The following NCK1 variants were observed in gnomAD, a reference collection of about 807,000 sequenced individuals.
NCK1 encodes SH2/SH3 adapter protein NCK1.
NCK1 carries 19 observed loss-of-function variants against 36.6 expected under a neutral mutation model. The observed-to-expected ratio is 0.52, with a 90% CI of 0.36 to 0.76. NCK1 has a LOEUF of 0.76. NCK1 is among the 30% of genes least tolerant of loss of function. NCK1 has a pLI of 0.00. For missense variants in NCK1, 358 were observed against 445.6 expected, an observed-to-expected ratio of 0.80 and a Z score of 1.77; for synonymous variants, 165 against 156.0, an observed-to-expected ratio of 1.06 and a Z score of -0.43.
chr3:136,922,228 C>A (rs1350458265), intron 1 of NCK1, among the ~76,000 whole-genome samples: 2 of 152,188 alleles, frequency 1.3e-5, no homozygotes, highest in Admixed American at 1.3e-4. Context: ...TTGGCCCTTA[C>A]CCTCTCGCCA....
intron 1 of NCK1, among the ~76,000 whole-genome samples, chr3:136,890,551 G>GTA (rs1939213804): frequency 3.9e-5 from 6 of 152,242 alleles, no homozygotes; most frequent in Admixed American, 2.0e-4. Context: ...CTGCCAGCAC[G>GTA]CTGTCACCTC....
At chr3:136,897,860 A>G (rs1939430486) in intron 1 of NCK1, among the ~76,000 whole-genome samples, 2 of 152,224 alleles carry the variant, frequency 1.3e-5, no homozygotes, top group South Asian at 2.1e-4. Context: ...AATTCTCACC[A>G]TAAATATAAA....
chr3:136,919,994 A>G (rs1232056608), intron 1 of NCK1, among the ~76,000 whole-genome samples: 1 of 152,210 alleles, frequency 6.6e-6, no homozygotes, highest in Non-Finnish European at 1.5e-5. Context: ...CAGATCTCAC[A>G]GTAAACAATG....
Position 136,948,614 on chromosome 3 carries a change from A to G in NCK1, c.*161A>G, listed in dbSNP as rs1940891293. ...TTATTATAACTCAGCCCATACATAT[A>G]TACTATGTATGCAGTGCATCTGCAT... On this transcript the variant is annotated 3_prime_UTR_variant, in exon 4 of 4. Coordinates refer to ENST00000481752, the MANE Select transcript of NCK1 (RefSeq NM_001291999.2). 3.3e-6 allele frequency: 2 copies of G among 598,826 alleles called. No individual in the cohort carries two copies. The highest frequency in any genetic ancestry group is 2.3e-5 in the South Asian group (1 of 44,426). 37.1% of individuals were successfully genotyped at this position (598,826 alleles called of 1,614,324 possible).
At chr3:136,898,563 G>A (rs1576961844) in intron 1 of NCK1, among the ~76,000 whole-genome samples, 1 of 152,140 alleles carries the variant, frequency 6.6e-6, no homozygotes. Flanking sequence ...AACCATTTTA[G>A]TGTGTAAAAT....
chr3:136,862,878 C>G (rs894392405), intron 1 of NCK1, among the ~76,000 whole-genome samples: 6 of 145,598 alleles, frequency 4.1e-5, no homozygotes, highest in African/African-American at 1.2e-4. Flanking sequence ...ACCCACCGGC[C>G]GTTTTCTAGT....
intron 2 of NCK1, among the ~76,000 whole-genome samples, chr3:136,929,143 G>A (rs1344148707): frequency 6.6e-6 from 1 of 151,896 alleles, no homozygotes; most frequent in Non-Finnish European, 1.5e-5. Flanking sequence ...CTGTTGTCCA[G>A]GCCAAACTTG....
chr3:136,916,650 A>G (rs1042784862), intron 1 of NCK1, among the ~76,000 whole-genome samples: 2 of 152,218 alleles, frequency 1.3e-5, no homozygotes, highest in Admixed American at 6.5e-5. Context: ...TTTTGGAAAT[A>G]TGTATAACTT....
intron 1 of NCK1, among the ~76,000 whole-genome samples, chr3:136,915,814 C>T (rs1242482393): frequency 2.0e-5 from 3 of 151,960 alleles, no homozygotes; most frequent in African/African-American, 7.3e-5. Context: ...CAACCTCCAC[C>T]TCCCAGGTTC....
intron 1 of NCK1, among the ~76,000 whole-genome samples, chr3:136,886,684 T>A (rs1253603688): frequency 6.6e-6 from 1 of 152,186 alleles, no homozygotes; most frequent in Admixed American, 6.5e-5. Context: ...ATGAGAGACC[T>A]GTGAACACAA....
At chr3:136,862,567 C>G (rs1300973881) in intron 1 of NCK1, among the ~76,000 whole-genome samples, 2 of 152,226 alleles carry the variant, frequency 1.3e-5, no homozygotes, top group South Asian at 2.1e-4. Context: ...ACCCTCGGGC[C>G]GTTGCCCCAG....
At chr3:136,890,077 C>G (rs532490362) in intron 1 of NCK1, among the ~76,000 whole-genome samples, 1 of 152,132 alleles carries the variant, frequency 6.6e-6, no homozygotes, top group African/African-American at 2.4e-5. Context: ...GAGGCTCGGG[C>G]GGCACAGCAG....
intron 1 of NCK1, among the ~76,000 whole-genome samples, chr3:136,881,074 T>C (rs1938919658): frequency 6.6e-6 from 1 of 152,160 alleles, no homozygotes; most frequent in Non-Finnish European, 1.5e-5. Context: ...CTTTTCCTCA[T>C]TCTAACTCAC....
At chr3:136,939,502 T>G (rs997206375) in intron 2 of NCK1, among the ~76,000 whole-genome samples, 1 of 152,104 alleles carries the variant, frequency 6.6e-6, no homozygotes, top group Non-Finnish European at 1.5e-5. Context: ...TTGCTTTGAG[T>G]TTAGTTTTTC....
intron 1 of NCK1, among the ~76,000 whole-genome samples, chr3:136,890,455 A>C (rs911546566): frequency 6.6e-6 from 1 of 152,206 alleles, no homozygotes; most frequent in African/African-American, 2.4e-5. Flanking sequence ...CCCACAGTGC[A>C]GTGGTGGGCT....
chr3:136,900,893 C>T (rs2108099893), intron 1 of NCK1, among the ~76,000 whole-genome samples: 1 of 152,140 alleles, frequency 6.6e-6, no homozygotes, highest in East Asian at 1.9e-4. Flanking sequence ...AATTTGGATG[C>T]CTTTTCTTTT....
At chr3:136,894,050 C>T (rs1576958854) in intron 1 of NCK1, among the ~76,000 whole-genome samples, 1 of 152,302 alleles carries the variant, frequency 6.6e-6, no homozygotes, top group East Asian at 1.9e-4. Flanking sequence ...AGACAGATTG[C>T]TCCCTAATCT....
intron 2 of NCK1, among the ~76,000 whole-genome samples, chr3:136,941,016 G>T (rs779631566): frequency 2.0e-5 from 3 of 151,420 alleles, no homozygotes; most frequent in Non-Finnish European, 4.4e-5. Context: ...TACATTTAAA[G>T]TTATATCTGA....
chr3:136,872,852 A>G (rs1000649496), intron 1 of NCK1, among the ~76,000 whole-genome samples: 5 of 152,214 alleles, frequency 3.3e-5, no homozygotes, highest in Admixed American at 6.5e-5. Context: ...TGTGGTGTTG[A>G]TGCTGCAAGT....
Sources: allele counts gnomAD v4.1 joint callset (sites outside exome capture counted in the v4.1 genomes callset), GRCh38; gene constraint gnomAD v4.1.1; transcripts MANE v1.5; gene names NCBI Gene and HGNC (gene_info 2026-07-23, HGNC 2026-07-21).